The following PDE11A variants were observed in gnomAD, a reference collection of about 807,000 sequenced individuals.
PDE11A encodes the protein dual 3',5'-cyclic-AMP and -GMP phosphodiesterase 11A.
A neutral mutation model predicts 100.5 loss-of-function variants in PDE11A; 100 were observed. The ratio of observed to expected loss-of-function variants is 1.00; its 90% CI spans 0.85 to 1.18. PDE11A has a LOEUF of 1.18. Ranked by LOEUF, PDE11A falls within the 50% of genes most tolerant of loss-of-function variation. PDE11A has a pLI of 0.00. For synonymous variants in PDE11A, 381 were observed against 420.8 expected (o/e 0.91, Z 1.16); for missense variants, 1,141 against 1,152.6 (o/e 0.99, Z 0.15).
chr2:177,844,371 C>G (rs2083544495), intron 5 of PDE11A, among the ~76,000 whole-genome samples: 2 of 152,066 alleles, frequency 1.3e-5, no homozygotes, highest in Non-Finnish European at 2.9e-5. Flanking sequence ...GCTCCACCCC[C>G]ATGACCTAAT....
At chr2:177,918,352 C>T (rs995599311) in intron 2 of PDE11A, among the ~76,000 whole-genome samples, 1 of 152,206 alleles carries the variant, frequency 6.6e-6, no homozygotes, top group Admixed American at 6.5e-5. Flanking sequence ...CTCAGCCTGT[C>T]CTTTATTGCT....
At chr2:177,663,674 G>C (rs774268882) in intron 19 of PDE11A, among the ~76,000 whole-genome samples, 192 bp downstream of exon 19, 2 of 152,148 alleles carry the variant, frequency 1.3e-5, no homozygotes, top group African/African-American at 4.8e-5. Context: ...GAGAACGCAG[G>C]TCTGCAGCCT....
At chr2:177,700,113 T>C (rs938297155) in intron 14 of PDE11A, among the ~76,000 whole-genome samples, 7 of 152,170 alleles carry the variant, frequency 4.6e-5, no homozygotes, top group African/African-American at 1.4e-4. Context: ...ACTGAGAGCC[T>C]AACTCTTGGT....
chr2:177,709,842 G>A (rs771015067), intron 13 of PDE11A, among the ~76,000 whole-genome samples: 12 of 152,156 alleles, frequency 7.9e-5, no homozygotes, highest in African/African-American at 2.4e-4. Flanking sequence ...GAAAAGGTCC[G>A]ACAGCTTTGA....
At chr2:177,672,409 G>GGCCTA (rs1287128572) in intron 17 of PDE11A, among the ~76,000 whole-genome samples, 1 of 152,166 alleles carries the variant, frequency 6.6e-6, no homozygotes, top group Non-Finnish European at 1.5e-5. Context: ...ACTGAACCAA[G>GGCCTA]GCCTAGCCTA....
At chr2:177,789,386 T>C (rs939754576) in intron 9 of PDE11A, among the ~76,000 whole-genome samples, 1 of 151,888 alleles carries the variant, frequency 6.6e-6, no homozygotes, top group Non-Finnish European at 1.5e-5. Flanking sequence ...ATGGGACGTA[T>C]TTCAAAATAA....
chr2:177,634,025 A>G (rs2079994376), intron 19 of PDE11A, among the ~76,000 whole-genome samples: 1 of 152,182 alleles, frequency 6.6e-6, no homozygotes, highest in South Asian at 2.1e-4. Flanking sequence ...TCTTAAAAGC[A>G]ACACATTTTT....
intron 13 of PDE11A, among the ~76,000 whole-genome samples, chr2:177,707,789 C>T (rs959636221): frequency 6.6e-6 from 1 of 152,268 alleles, no homozygotes. Flanking sequence ...GATCAACTAG[C>T]AAGAAGAGCA....
intron 5 of PDE11A, among the ~76,000 whole-genome samples, chr2:177,845,046 C>T (rs1182031168): frequency 6.6e-6 from 1 of 151,950 alleles, no homozygotes; most frequent in Non-Finnish European, 1.5e-5. Flanking sequence ...TCTCAATGAG[C>T]TGTTGGGCAC....
In PDE11A at chr2:178,069,252, T is replaced by C. The variant is rs562873863; in HGVS notation, c.912+2274A>G. 1.6e-3 allele frequency among the ~76,000 whole-genome samples: 247 copies of C among 152,290 alleles called. 1 individual carries two copies. The highest frequency in any genetic ancestry group is 2.9e-3 in the Non-Finnish European group (200 of 68,020). On this transcript the variant is annotated intron_variant, in intron 1 of 19. Transcript: ENST00000286063. ...GGTAGGTATTATTGTCCCCATTTTATGGGTGAGGAAATTGAGGCTGTGAGA... is the reference window on the plus strand; with the variant it reads ...GGTAGGTATTATTGTCCCCATTTTACGGGTGAGGAAATTGAGGCTGTGAGA...
chr2:177,891,519 C>A (rs2084529761), intron 4 of PDE11A, among the ~76,000 whole-genome samples: 1 of 152,158 alleles, frequency 6.6e-6, no homozygotes, highest in African/African-American at 2.4e-5. Context: ...CCTTTACCTA[C>A]CTAGTGAATA....
At chr2:177,840,466 T>G (rs1482127770) in intron 5 of PDE11A, 83 bp from the exon 6 acceptor site, 16 of 1,175,410 alleles carry the variant, frequency 1.4e-5, no homozygotes, top group Non-Finnish European at 1.8e-5. Context: ...TACACTAATA[T>G]CAGGATAATC....
intron 2 of PDE11A, among the ~76,000 whole-genome samples, chr2:177,935,160 C>G (rs149918712): frequency 6.6e-6 from 1 of 152,140 alleles, no homozygotes; most frequent in Non-Finnish European, 1.5e-5. Context: ...CACAAAATAT[C>G]TTGTTCTATT....
chr2:177,823,644 C>CA (rs1379494521), intron 6 of PDE11A, among the ~76,000 whole-genome samples: 11 of 152,066 alleles, frequency 7.2e-5, no homozygotes, highest in Middle Eastern at 3.4e-3. Flanking sequence ...AGTTATCTTC[C>CA]AAAAAAACAA....
At chr2:177,845,249 G>A (rs1180291395) in intron 5 of PDE11A, among the ~76,000 whole-genome samples, 1 of 151,758 alleles carries the variant, frequency 6.6e-6, no homozygotes, top group African/African-American at 2.4e-5. Context: ...TGGCTGCCGG[G>A]CGGAGGGGCT....
At chr2:178,106,784 A>C (rs1002724223) in intron 1 of PDE11A, among the ~76,000 whole-genome samples, 4 of 151,974 alleles carry the variant, frequency 2.6e-5, no homozygotes, top group Non-Finnish European at 5.9e-5. Flanking sequence ...ACATGGTGAA[A>C]CCTTGTCTCT....
In PDE11A at chr2:177,958,080, G is replaced by A. The variant is rs547536964; in HGVS notation, c.1072-52893C>T. 7.4e-4 allele frequency among the ~76,000 whole-genome samples: 113 copies of A among 151,846 alleles called. 1 individual carries two copies. The Middle Eastern group carries it at 0.01, about 14-fold the overall frequency. ...TAATTTTTGTATTTTTAGTAGACAC[G>A]GGGTTTCATCATGTTGGCTAGGCTG... On this transcript the variant is annotated intron_variant, in intron 2 of 19. Coordinates refer to ENST00000286063, the MANE Select transcript of PDE11A (RefSeq NM_016953.4).
intron 6 of PDE11A, among the ~76,000 whole-genome samples, chr2:177,828,129 T>C (rs1391114190): frequency 2.6e-5 from 4 of 152,162 alleles, no homozygotes; most frequent in African/African-American, 9.6e-5. Context: ...TTCATGATTA[T>C]AAAAATAATA....
intron 10 of PDE11A, among the ~76,000 whole-genome samples, chr2:177,738,933 G>T (rs1455265957): frequency 6.6e-6 from 1 of 152,232 alleles, no homozygotes; most frequent in Non-Finnish European, 1.5e-5. Flanking sequence ...AGTTGGTTTA[G>T]CACTTTAGTG....
Sources: gnomAD v4.1 joint callset for allele counts (sites outside exome capture counted in the v4.1 genomes callset) on GRCh38, gnomAD v4.1.1 for gene constraint, MANE v1.5 for transcripts, NCBI Gene and HGNC (gene_info 2026-07-23, HGNC 2026-07-21) for gene names.